Variants in FAAP20 observed in about 807,000 individuals in gnomAD.
FAAP20 encodes Fanconi anemia core complex-associated protein 20.
FAAP20 carries 12 observed loss-of-function variants against 16.2 expected under a neutral mutation model. The ratio of observed to expected loss-of-function variants is 0.74; its 90% CI spans 0.48 to 1.20. The LOEUF (loss-of-function observed/expected upper bound fraction) is 1.20, where lower values mean the gene tolerates loss of function less well. Ranked by LOEUF, FAAP20 falls within the 50% of genes most tolerant of loss-of-function variation. The probability of loss-of-function intolerance (pLI) is 0.00; values close to 1 mark genes in which losing one functional copy is unlikely to be tolerated. For missense variants in FAAP20, 288 were observed against 245.8 expected (o/e 1.17, Z -1.15); for synonymous variants, 141 against 110.7 (o/e 1.27, Z -1.72).
At position 2,189,979 on chromosome 1, in the gene FAAP20, C is replaced by T. The variant is rs1687997946; in HGVS notation, c.471-198G>A. 7.9e-6 allele frequency: 5 copies of T among 629,018 alleles called. 1 individual carries two copies. Among genetic ancestry groups the T allele is most frequent in the Admixed American group, 7.0e-5 (3 of 42,874 alleles). The allele number at this position is 629,018 out of a possible 1,614,324, so 39.0% of individuals were successfully genotyped here. On this transcript the variant is annotated intron_variant, in intron 3 of 3. Transcript: ENST00000378546. ...CGCCAGTGGTGTTTCCACACCGTGCCCGTGAGGAGGCCACGCCAGGCCCCT... is the reference window on the plus strand; with the variant it reads ...CGCCAGTGGTGTTTCCACACCGTGCTCGTGAGGAGGCCACGCCAGGCCCCT...
upstream of FAAP20, chr1:2,200,858 C>T (rs1557790281): frequency 9.4e-7 from 1 of 1,069,040 alleles, no homozygotes; most frequent in African/African-American, 1.7e-5. Context: ...GGCCAGGAAA[C>T]CTCTGCAGGT....
chr1:2,206,085 G>A (rs1689248937), intron 3 of FAAP20, among the ~76,000 whole-genome samples: 2 of 152,258 alleles, frequency 1.3e-5, no homozygotes, highest in African/African-American at 4.8e-5. Context: ...CTCTAGCATG[G>A]GAGGGGGGCA....
At chr1:2,195,591 A>G (rs1414235217), upstream of FAAP20, among the ~76,000 whole-genome samples, 1 of 152,210 alleles carries the variant, frequency 6.6e-6, no homozygotes, top group Non-Finnish European at 1.5e-5. Flanking sequence ...CTTTGGGGCT[A>G]TGCTGGGCAC....
chr1:2,188,960 G>A (rs1279375423), downstream of FAAP20, among the ~76,000 whole-genome samples: 11 of 148,246 alleles, frequency 7.4e-5, no homozygotes, highest in East Asian at 2.0e-4. Context: ...AGCCGAAATC[G>A]CGCCACTGCA....
upstream of FAAP20, among the ~76,000 whole-genome samples, chr1:2,203,118 C>T (rs750516244): frequency 7.9e-5 from 12 of 152,194 alleles, no homozygotes; most frequent in Admixed American, 4.6e-4. Flanking sequence ...CAACCTTCCC[C>T]GGGGCCAGAG....
At chr1:2,197,058 C>T (rs1482412649), upstream of FAAP20, among the ~76,000 whole-genome samples, 4 of 152,152 alleles carry the variant, frequency 2.6e-5, no homozygotes, top group African/African-American at 4.8e-5. Context: ...GCCATGGGAC[C>T]GGCCGGCCTC....
rs113874353 is a variant in FAAP20, at chr1:2,192,943, C to T, written c.470+696G>A. 2.3e-4 allele frequency: 297 copies of T among 1,304,048 alleles called. 1 individual carries two copies. The Admixed American group carries it at 5.3e-3, about 23-fold the overall frequency. The allele number at this position is 1,304,048 out of a possible 1,614,324, so 80.8% of individuals were successfully genotyped here. ...GTTGTTGGCTGCCAACTTTGGACTC[C>T]GGTGCCTTCGCATTCCCGAGCTGTT... On this transcript the variant is annotated intron_variant, in intron 3 of 3. Transcript: ENST00000378546.
downstream of FAAP20, chr1:2,189,506 A>C: frequency 1.6e-6 from 1 of 609,168 alleles, no homozygotes; most frequent in Admixed American, 2.5e-5. Context: ...CACTGCAGTG[A>C]ATCTGCCCTA....
upstream of FAAP20, chr1:2,199,192 T>A (rs1272263744): frequency 1.7e-6 from 2 of 1,168,742 alleles, no homozygotes; most frequent in Non-Finnish European, 2.1e-6. The surrounding 1 kb of genome is among the most constrained non-coding windows in gnomAD (Gnocchi z 4.5). Context: ...TGGGCCAGCA[T>A]CCCCGACCAG....
chr1:2,189,766 A>AT lies in FAAP20; in HGVS notation c.485dup (p.Asp162GlufsTer3), dbSNP rs1490147018. On this transcript the variant is annotated frameshift_variant, in exon 4 of 4. Transcript: ENST00000378546. LOFTEE classifies it high-confidence loss of function. ...AGCACTGGGCCAGGTGGCTGTCAAC[A>AT]TCCAGCTGGGTCAGCCTGCAAGGGA... is the stretch of plus-strand genomic sequence containing the variant. 6.2e-7 allele frequency: 1 copy of AT among 1,612,620 alleles called. No homozygotes were observed. The highest frequency in any genetic ancestry group is 1.3e-5 in the African/African-American group (1 of 75,024).
At chr1:2,195,332 C>T (rs768232200), upstream of FAAP20, among the ~76,000 whole-genome samples, 7 of 152,224 alleles carry the variant, frequency 4.6e-5, no homozygotes, top group Non-Finnish European at 7.3e-5. Context: ...GGACCCCGGG[C>T]TCTGCGACCT....
intron 3 of FAAP20, chr1:2,192,493 C>T: frequency 1.0e-6 from 1 of 997,458 alleles, no homozygotes; most frequent in Non-Finnish European, 1.2e-6. Context: ...TTTAGACTAT[C>T]TGGAAAAGCA....
upstream of FAAP20, chr1:2,212,650 T>G (rs1569629575): frequency 3.2e-5 from 7 of 221,630 alleles, no homozygotes; most frequent in South Asian, 1.0e-4. Flanking sequence ...TCAGGGTGGG[T>G]AAAAATAGCA....
upstream of FAAP20, among the ~76,000 whole-genome samples, chr1:2,196,923 G>A (rs992265838): frequency 6.6e-6 from 1 of 152,132 alleles, no homozygotes; most frequent in African/African-American, 2.4e-5. This position sits in a 1 kb window ranked among gnomAD's most constrained non-coding sequence, Gnocchi z 4.5. Context: ...GGTGGTGGGG[G>A]GTGTTCTTGC....
chr1:2,185,127 C>T (rs1054438860), downstream of FAAP20: 14 of 977,478 alleles, frequency 1.4e-5, no homozygotes, highest in African/African-American at 9.7e-5. Context: ...CAGACGCTTG[C>T]GCCGAGACCG....
chr1:2,194,948 G>A (rs927214582), upstream of FAAP20, among the ~76,000 whole-genome samples: 12 of 151,878 alleles, frequency 7.9e-5, no homozygotes, highest in African/African-American at 2.9e-4. Context: ...AGGGGGGCCT[G>A]GCGTGAGGGT....
At chr1:2,209,086 A>T (rs1324120871), downstream of FAAP20, among the ~76,000 whole-genome samples, 1 of 152,088 alleles carries the variant, frequency 6.6e-6, no homozygotes, top group Admixed American at 6.5e-5. Context: ...AGGGGAGCAA[A>T]GCTGGAGGTC....
chr1:2,204,826 G>C (rs908493329), upstream of FAAP20, among the ~76,000 whole-genome samples: 6 of 151,732 alleles, frequency 4.0e-5, no homozygotes, highest in Non-Finnish European at 8.8e-5. Context: ...CCTCAGACCC[G>C]AGCTAGCTCT....
chr1:2,185,511 TACCTGTGGGG>T, downstream of FAAP20: 1 of 717,304 alleles, frequency 1.4e-6, no homozygotes, highest in Non-Finnish European at 2.6e-6. Flanking sequence ...GGAGTTGAAG[TACCTGTGGGG>T]ACACACCGCA....
Sources: allele counts gnomAD v4.1 joint callset (sites outside exome capture counted in the v4.1 genomes callset), GRCh38; gene constraint gnomAD v4.1.1; non-coding constraint Gnocchi (gnomAD v3.1); transcripts MANE v1.5; gene names NCBI Gene and HGNC (gene_info 2026-07-23, HGNC 2026-07-21).